DLGAP2: variants seen among roughly 807,000 people sequenced by gnomAD.
DLGAP2 encodes the protein DLG associated protein 2, also known as disks large-associated protein 2.
A neutral mutation model predicts 100.3 loss-of-function variants in DLGAP2; 26 were observed. The ratio of observed to expected loss-of-function variants is 0.26; its 90% CI spans 0.19 to 0.36. DLGAP2 has a LOEUF of 0.36. DLGAP2 is among the 10% of genes least tolerant of loss of function. DLGAP2 has a pLI of 1.00. For synonymous variants in DLGAP2, 886 were observed against 630.1 expected, an observed-to-expected ratio of 1.41 and a Z score of -6.08; for missense variants, 1,858 against 1,453.2, an observed-to-expected ratio of 1.28 and a Z score of -4.53.
chr8:1,582,344 A>T (rs1181074153), intron 6 of DLGAP2, among the ~76,000 whole-genome samples: 2 of 152,114 alleles, frequency 1.3e-5, no homozygotes, highest in Non-Finnish European at 2.9e-5. Flanking sequence ...AAAGAAAATT[A>T]TAGACCATTA....
At chr8:1,056,036 G>A (rs1802873257) in intron 2 of DLGAP2, among the ~76,000 whole-genome samples, 1 of 152,252 alleles carries the variant, frequency 6.6e-6, no homozygotes, top group Non-Finnish European at 1.5e-5. Context: ...GTTGAGAGCA[G>A]AGAGGGCTTG....
intron 5 of DLGAP2, among the ~76,000 whole-genome samples, chr8:1,553,531 G>A (rs1801854143): frequency 5.7e-5 from 2 of 34,876 alleles, no homozygotes; most frequent in African/African-American, 1.1e-4. Flanking sequence ...TACCTGTCAG[G>A]CTTTTTACAT....
intron 3 of DLGAP2, among the ~76,000 whole-genome samples, chr8:1,337,301 A>C (rs1392449369): frequency 7.3e-6 from 1 of 136,214 alleles, no homozygotes; most frequent in African/African-American, 2.8e-5. Flanking sequence ...GGTGATGATG[A>C]GGATGATGTG....
At chr8:1,551,472 T>C (rs1369123412) in intron 5 of DLGAP2, among the ~76,000 whole-genome samples, 2 of 152,118 alleles carry the variant, frequency 1.3e-5, no homozygotes, top group African/African-American at 4.8e-5. Context: ...CAGCTGCGCC[T>C]TCTCCACAGG....
intron 6 of DLGAP2, among the ~76,000 whole-genome samples, chr8:1,604,952 C>A (rs2956956): frequency 6.6e-6 from 1 of 152,148 alleles, no homozygotes; most frequent in Middle Eastern, 3.4e-3. Flanking sequence ...GGTCTGATGT[C>A]TTGTGTCGTG....
chr8:1,570,447 T>C (rs1295148094), intron 6 of DLGAP2, among the ~76,000 whole-genome samples: 1 of 152,262 alleles, frequency 6.6e-6, no homozygotes, highest in Non-Finnish European at 1.5e-5. Context: ...TGAATATTCA[T>C]ATCCCAAACA....
At chr8:1,466,411 A>G (rs1196918247) in intron 3 of DLGAP2, among the ~76,000 whole-genome samples, 1 of 151,964 alleles carries the variant, frequency 6.6e-6, no homozygotes, top group African/African-American at 2.4e-5. Flanking sequence ...AAATCTGCCC[A>G]CTGGAACCAC....
chr8:1,467,051 T>A (rs1054667881), intron 3 of DLGAP2, among the ~76,000 whole-genome samples: 1 of 143,022 alleles, frequency 7.0e-6, no homozygotes, highest in Non-Finnish European at 1.5e-5. Flanking sequence ...TGCCGGGTGA[T>A]AAAGAAGACG....
At chr8:1,475,897 A>G (rs1037287885) in intron 3 of DLGAP2, among the ~76,000 whole-genome samples, 1 of 152,160 alleles carries the variant, frequency 6.6e-6, no homozygotes, top group African/African-American at 2.4e-5. Flanking sequence ...GAAATCTTAG[A>G]AGTAGCTCTT....
Position 1,119,107 on chromosome 8 carries a change from G to A in DLGAP2, c.74-139744G>A, listed in dbSNP as rs141315159. 7.6e-3 allele frequency among the ~76,000 whole-genome samples: 1,151 copies of A among 152,280 alleles called. 11 individuals carry two copies. The highest frequency in any genetic ancestry group is 0.026 in the African/African-American group (1,099 of 41,554). On this transcript the variant is annotated intron_variant, in intron 2 of 14. Transcript: ENST00000637795. ...CCGATTCTATTTTCAATTGATAAGT[G>A]ATTTTTTCCCATTTAAGTACTGATT...
intron 1 of DLGAP2, among the ~76,000 whole-genome samples, chr8:844,103 T>C (rs1797030750): frequency 6.6e-6 from 1 of 152,232 alleles, no homozygotes; most frequent in African/African-American, 2.4e-5. Flanking sequence ...ATATTTTTGT[T>C]TACTTTGTGG....
chr8:1,486,652 C>G (rs1799243407), intron 3 of DLGAP2, among the ~76,000 whole-genome samples: 1 of 152,232 alleles, frequency 6.6e-6, no homozygotes, highest in Non-Finnish European at 1.5e-5. Flanking sequence ...GCATTTGTCT[C>G]CTCTTGCTCT....
chr8:1,446,171 C>G (rs1204970583), intron 3 of DLGAP2, among the ~76,000 whole-genome samples: 1 of 152,034 alleles, frequency 6.6e-6, no homozygotes, highest in East Asian at 1.9e-4. Flanking sequence ...TTGCCCATGC[C>G]TATGTCCTGA....
intron 2 of DLGAP2, among the ~76,000 whole-genome samples, chr8:1,050,846 C>T (rs1361311428): frequency 6.6e-6 from 1 of 152,058 alleles, no homozygotes; most frequent in Non-Finnish European, 1.5e-5. Context: ...TACGTGCTTC[C>T]CCATAGATTT....
intron 2 of DLGAP2, among the ~76,000 whole-genome samples, chr8:1,210,313 G>T (rs1798077194): frequency 1.3e-5 from 2 of 151,852 alleles, no homozygotes; most frequent in African/African-American, 4.8e-5. Flanking sequence ...AGGTTTGGTT[G>T]TCTGGAAGGG....
chr8:1,608,920 T>C (rs1374000837), intron 6 of DLGAP2, among the ~76,000 whole-genome samples: 4 of 152,042 alleles, frequency 2.6e-5, no homozygotes, highest in Non-Finnish European at 5.9e-5. Context: ...CTGATTGGTG[T>C]ACCTGAAAGT....
intron 1 of DLGAP2, among the ~76,000 whole-genome samples, chr8:743,160 A>G (rs1820528885): frequency 6.6e-6 from 1 of 152,234 alleles, no homozygotes; most frequent in African/African-American, 2.4e-5. Flanking sequence ...GACAAGGGAA[A>G]AAATGCTAAT....
intron 3 of DLGAP2, among the ~76,000 whole-genome samples, chr8:1,313,908 C>T (rs1209449620): frequency 6.6e-6 from 1 of 152,072 alleles, no homozygotes; most frequent in African/African-American, 2.4e-5. Context: ...CCCCAAGAAC[C>T]ACCGCACGGT....
chr8:1,314,793 T>C (rs533958884), intron 3 of DLGAP2, among the ~76,000 whole-genome samples: 29 of 152,370 alleles, frequency 1.9e-4, no homozygotes, highest in Admixed American at 1.6e-3. Flanking sequence ...CGTGGAAGTT[T>C]CACTTGTTCA....
Sources: allele counts gnomAD v4.1 joint callset (sites outside exome capture counted in the v4.1 genomes callset), GRCh38; gene constraint gnomAD v4.1.1; transcripts MANE v1.5; gene names NCBI Gene and HGNC (gene_info 2026-07-23, HGNC 2026-07-21).